The following SYN3 variants were observed in gnomAD, a reference collection of about 807,000 sequenced individuals.
SYN3 encodes synapsin III, also known as synapsin-3.
In SYN3, 35 loss-of-function variants were observed where a neutral mutation model predicts 65.8. The ratio of observed to expected loss-of-function variants is 0.53; its 90% CI spans 0.41 to 0.70. SYN3 has a LOEUF of 0.70. SYN3 is among the 30% of genes least tolerant of loss of function. The pLI is 0.00. For missense variants in SYN3, 680 were observed against 749.0 expected (o/e 0.91, Z 1.08); for synonymous variants, 270 against 292.9 (o/e 0.92, Z 0.80).
At chr22:32,747,031 G>C (rs1295194145) in intron 6 of SYN3, among the ~76,000 whole-genome samples, 1 of 152,154 alleles carries the variant, frequency 6.6e-6, no homozygotes, top group Non-Finnish European at 1.5e-5. Flanking sequence ...GGGAGCCTGG[G>C]TGGGGTGGGG....
At chr22:32,766,568 C>T (rs900146408) in intron 6 of SYN3, among the ~76,000 whole-genome samples, 3 of 152,218 alleles carry the variant, frequency 2.0e-5, no homozygotes, top group South Asian at 4.1e-4. Flanking sequence ...CCTATTGCAT[C>T]GCACAGCCAA....
intron 6 of SYN3, among the ~76,000 whole-genome samples, chr22:32,704,759 G>C (rs1351717585): frequency 6.6e-6 from 1 of 152,194 alleles, no homozygotes; most frequent in Non-Finnish European, 1.5e-5. Context: ...CATTCTGACT[G>C]ATGTCAGATG....
chr22:32,950,416 G>C, intron 3 of SYN3, among the ~76,000 whole-genome samples: 1 of 152,144 alleles, frequency 6.6e-6, no homozygotes, highest in East Asian at 1.9e-4. Flanking sequence ...CTGTAGCTAC[G>C]TGTCTGTTGA....
At chr22:33,028,778 C>T (rs979296979) in intron 1 of SYN3, among the ~76,000 whole-genome samples, 5 of 152,026 alleles carry the variant, frequency 3.3e-5, no homozygotes, top group East Asian at 3.9e-4. Context: ...CGGTGGCTCA[C>T]GCCTGTAATC....
At chr22:32,689,476 A>T (rs1428255249) in intron 6 of SYN3, among the ~76,000 whole-genome samples, 1 of 152,158 alleles carries the variant, frequency 6.6e-6, no homozygotes, top group African/African-American at 2.4e-5. Flanking sequence ...TTACTCTGTG[A>T]TCTTCTCCTG....
At position 32,859,421 on chromosome 22, in the gene SYN3, G is replaced by C. The variant is rs764586909; in HGVS notation, c.711+5494C>G. 10 of 1,580,880 alleles carry C rather than the reference G, an allele frequency of 6.3e-6. No homozygotes were observed. The Admixed American group carries it at 1.2e-4, about 20-fold the overall frequency. The stretch of plus-strand genomic sequence containing the variant: ...CCTCACTTCCCTCCCTTCCCGCTGA[G>C]CTTCCCTTGGACACTAACTCTTCCC... On this transcript the variant is annotated intron_variant, in intron 6 of 13. Coordinates refer to ENST00000358763, the MANE Select transcript of SYN3 (RefSeq NM_003490.4).
intron 3 of SYN3, among the ~76,000 whole-genome samples, chr22:32,963,816 C>G (rs919044573): frequency 6.6e-6 from 1 of 152,104 alleles, no homozygotes; most frequent in African/African-American, 2.4e-5. Context: ...GCTAAGGGAG[C>G]CAGTGAGAGA....
rs571329889 is a variant in SYN3 at position 32,758,442 on chromosome 22, G to C, written c.711+106473C>G. ...GGAAGACAGACCCACCCTTAATCTG[G>C]TGGGCACAATCTAATCATCTGCCAG... On this transcript the variant is annotated intron_variant, in intron 6 of 13. Transcript: ENST00000358763. Among the ~76,000 whole-genome samples, 5 of 151,524 alleles carry C rather than the reference G, an allele frequency of 3.3e-5. No homozygotes were observed. The East Asian group carries it at 9.8e-4, about 30-fold the overall frequency.
intron 3 of SYN3, among the ~76,000 whole-genome samples, chr22:32,956,135 GT>G (rs2051454459): frequency 8.0e-6 from 1 of 124,534 alleles, no homozygotes; most frequent in South Asian, 2.4e-4. Flanking sequence ...TACAGAACCT[GT>G]CCCCCTCCCA....
chr22:32,619,366 A>G (rs1372270071), intron 6 of SYN3, among the ~76,000 whole-genome samples: 1 of 152,222 alleles, frequency 6.6e-6, no homozygotes, highest in Non-Finnish European at 1.5e-5. Context: ...CTTTGATCCC[A>G]AAATGTACAT....
At chr22:32,643,557 C>CGG (rs1172115733) in intron 6 of SYN3, among the ~76,000 whole-genome samples, 1 of 19,918 alleles carries the variant, frequency 5.0e-5, no homozygotes, top group Non-Finnish European at 8.5e-5. Flanking sequence ...GGTGGGGGGG[C>CGG]GGGGGGGGCA....
chr22:32,702,115 G>A (rs574716226), intron 6 of SYN3, among the ~76,000 whole-genome samples: 17 of 152,288 alleles, frequency 1.1e-4, no homozygotes, highest in East Asian at 7.7e-4. Context: ...CTTCTGAAGC[G>A]TAGAGACTTA....
At chr22:32,647,125 T>C (rs1285481873) in intron 6 of SYN3, among the ~76,000 whole-genome samples, 1 of 152,170 alleles carries the variant, frequency 6.6e-6, no homozygotes, top group Non-Finnish European at 1.5e-5. Context: ...CTCTCCTACT[T>C]ATATTCTATG....
intron 6 of SYN3, among the ~76,000 whole-genome samples, chr22:32,841,388 C>T (rs1419499879): frequency 6.6e-6 from 1 of 152,064 alleles, no homozygotes; most frequent in African/African-American, 2.4e-5. Context: ...AGGGAAGGTC[C>T]CCCGCCCAAG....
At chr22:33,022,875 T>G (rs925181704) in intron 1 of SYN3, among the ~76,000 whole-genome samples, 1 of 152,184 alleles carries the variant, frequency 6.6e-6, no homozygotes, top group African/African-American at 2.4e-5. Flanking sequence ...TTTAACTTCC[T>G]AAGATTATAA....
chr22:32,912,595 C>A lies in SYN3; in HGVS notation c.461+18795G>T, dbSNP rs549638709. Among the ~76,000 whole-genome samples the A allele has an allele frequency of 2.0e-5, 3 of 152,116 alleles. No individual in the cohort carries two copies. In the East Asian group the frequency reaches 5.8e-4, roughly 29 times the overall value. ...AATTAGCCAGGGGTGGTGGCATGCACCTGTAGGCCTAGCTACTCGGGAGGC... is the reference window on the plus strand; with the variant it reads ...AATTAGCCAGGGGTGGTGGCATGCAACTGTAGGCCTAGCTACTCGGGAGGC... On this transcript the variant is annotated intron_variant, in intron 4 of 13. Transcript: ENST00000358763.
At chr22:32,833,431 C>A (rs951207797) in intron 6 of SYN3, among the ~76,000 whole-genome samples, 28 of 151,540 alleles carry the variant, frequency 1.8e-4, no homozygotes, top group South Asian at 6.3e-4. Context: ...TTTTTATAGT[C>A]AAAAAAAATG....
rs559521641 is a variant in SYN3, at chr22:32,565,469, G to A, written c.775-23756C>T. 6.0e-5 allele frequency among the ~76,000 whole-genome samples: 9 copies of A among 150,444 alleles called. No homozygotes were observed. The South Asian group carries it at 8.4e-4, about 14-fold the overall frequency. ...CACATATACATATAAAATAGTTTAC[G>A]TATATACATATATAAAAAATATAAA... is the stretch of plus-strand genomic sequence containing the variant. On this transcript the variant is annotated intron_variant, in intron 7 of 13. Transcript: ENST00000358763.
At chr22:32,684,933 G>A (rs942794916) in intron 6 of SYN3, among the ~76,000 whole-genome samples, 2 of 152,186 alleles carry the variant, frequency 1.3e-5, no homozygotes, top group Non-Finnish European at 2.9e-5. Context: ...TTGGGAGGAC[G>A]AAATGAGATA....
Sources: allele counts gnomAD v4.1 joint callset (sites outside exome capture counted in the v4.1 genomes callset), GRCh38; gene constraint gnomAD v4.1.1; transcripts MANE v1.5; gene names NCBI Gene and HGNC (gene_info 2026-07-23, HGNC 2026-07-21).